ZDHHC19: variants seen among roughly 807,000 people sequenced by gnomAD.
ZDHHC19 encodes zDHHC palmitoyltransferase 19.
ZDHHC19 carries 30 observed loss-of-function variants against 33.9 expected under a neutral mutation model. The observed-to-expected ratio is 0.88, with a 90% CI of 0.66 to 1.20. The LOEUF (loss-of-function observed/expected upper bound fraction) is 1.20. ZDHHC19 is among the 50% of genes most tolerant of loss of function. The pLI is 0.00. For missense variants in ZDHHC19, 364 were observed against 401.1 expected (o/e 0.91, Z 0.79); for synonymous variants, 178 against 167.6 (o/e 1.06, Z -0.48).
Position 196,209,485 on chromosome 3 carries a change from T to C in ZDHHC19, c.299A>G (p.His100Arg), listed in dbSNP as rs373075232. The C allele has an allele frequency of 1.3e-4, 206 of 1,612,872 alleles. No individual in the cohort carries two copies. Among genetic ancestry groups the C allele is most frequent in the Non-Finnish European group, 2.5e-5 (30 of 1,179,770 alleles). ...GSAEQGPLTV[H>R]VVWVNHGAFR... is the part of the protein sequence containing the mutation. ...GGCCCCGTGGTTCACCCACACCACG[T>C]GCACCGTCAAGGGGCCCTGCTCAGC... The change falls in exon 3 of 8, where the codon CAC (histidine) becomes CGC (arginine). Residue 100 changes from histidine (H) to arginine (R), a missense_variant. By Grantham distance (29) the His-to-Arg change is conservative (BLOSUM62 0). Coordinates refer to ENST00000296326, the MANE Select transcript of ZDHHC19 (RefSeq NM_001039617.2).
rs752192064 is a variant in ZDHHC19, at chr3:196,209,371, C to T, written c.408+5G>A. The T allele has an allele frequency of 1.3e-6, 2 of 1,593,506 alleles. No individual in the cohort carries two copies. The highest frequency in any genetic ancestry group is 1.7e-6 in the Non-Finnish European group (2 of 1,170,692). ...TGGCTGGTGGACAGGTAGAGGGGCA[C>T]TCACCTCCACACAGATGTTGCACCA... On this transcript the variant is annotated splice_donor_5th_base_variant and intron_variant, in intron 3 of 7. Coordinates refer to ENST00000296326, the MANE Select transcript of ZDHHC19 (RefSeq NM_001039617.2).
At chr3:196,210,386 GGAAGGAAA>G (rs1269159923) in intron 2 of ZDHHC19, among the ~76,000 whole-genome samples, 1 of 140,690 alleles carries the variant, frequency 7.1e-6, no homozygotes, top group Non-Finnish European at 1.5e-5. Context: ...GAGAGAGGAA[GGAAGGAAA>G]GAAAGAGGGA....
rs1251150879 is a variant in ZDHHC19, at chr3:196,210,603, G to C, written c.268+13C>G. 1 of 1,613,816 alleles carries C rather than the reference G, an allele frequency of 6.2e-7. No individual in the cohort carries two copies. Among genetic ancestry groups the C allele is most frequent in the African/African-American group, 1.3e-5 (1 of 74,912 alleles). On this transcript the variant is annotated intron_variant, in intron 2 of 7. Transcript: ENST00000296326. ...GAGTGACACCTCCTTTTCCCAGGGGGCTGATGCCTCACCTTGATGTAAGAT... is the reference window on the plus strand; with the variant it reads ...GAGTGACACCTCCTTTTCCCAGGGGCCTGATGCCTCACCTTGATGTAAGAT...
At chr3:196,200,376 A>G (rs1167152251) in intron 5 of ZDHHC19, among the ~76,000 whole-genome samples, 1 of 136,366 alleles carries the variant, frequency 7.3e-6, no homozygotes, top group East Asian at 2.3e-4. Flanking sequence ...TTTTTTTGAG[A>G]TGGAGTCTTG....
At chr3:196,198,678 G>C in intron 6 of ZDHHC19, 111 bp downstream of exon 6, 2 of 1,592,804 alleles carry the variant, frequency 1.3e-6, no homozygotes, top group South Asian at 2.3e-5. Context: ...AACCCCAGAG[G>C]AGCAGGAACA....
intron 5 of ZDHHC19, among the ~76,000 whole-genome samples, chr3:196,206,389 C>A (rs1026262200): frequency 1.3e-5 from 2 of 152,026 alleles, no homozygotes; most frequent in African/African-American, 4.8e-5. Flanking sequence ...TGCTCTATTG[C>A]CCAGGCTGGA....
chr3:196,203,223 T>C lies in ZDHHC19; in HGVS notation c.687+4175A>G, dbSNP rs1324903926. Among the ~76,000 whole-genome samples, 2 of 150,964 alleles carry C rather than the reference T, an allele frequency of 1.3e-5. No homozygotes were observed. The highest frequency in any genetic ancestry group is 4.9e-5 in the African/African-American group (2 of 40,982). On this transcript the variant is annotated intron_variant, in intron 5 of 7. Transcript: ENST00000296326. The surrounding 1 kb of genome is among the most constrained non-coding windows in gnomAD (Gnocchi z 4.3). The stretch of plus-strand genomic sequence containing the variant: ...TCACACCACTGCACTCCAGCCTGAG[T>C]GACAGAGAAATACTCTGTCTCAAAA...
chr3:196,209,885 C>T (rs1723072817), intron 2 of ZDHHC19, among the ~76,000 whole-genome samples: 1 of 152,178 alleles, frequency 6.6e-6, no homozygotes, highest in African/African-American at 2.4e-5. Flanking sequence ...TTTTCCACAC[C>T]TTGGTGGCTT....
rs1245222144 is a variant in ZDHHC19 at position 196,210,270 on chromosome 3, GAAAGAA to G, written c.268+340_268+345del. The stretch of plus-strand genomic sequence containing the variant: ...GAAAGAAAAAGAAAGAAAGAAAAGA[GAAAGAA>G]AGAAAGAAAGAAGGAAGGAAGGAAA... On this transcript the variant is annotated intron_variant, in intron 2 of 7. Transcript: ENST00000296326. 9.4e-5 allele frequency among the ~76,000 whole-genome samples: 11 copies of G among 117,014 alleles called. No homozygotes were observed. The Admixed American group carries it at 9.9e-4, about 10-fold the overall frequency. The allele number at this position is 117,014 out of a possible 152,430, so 76.8% of individuals were successfully genotyped here.
intron 7 of ZDHHC19, 61 bp downstream of exon 7, chr3:196,198,215 C>A: frequency 7.2e-7 from 1 of 1,397,070 alleles, no homozygotes; most frequent in Non-Finnish European, 9.3e-7. Context: ...CACACCCTCA[C>A]AACCTGCAGA....
chr3:196,199,893 C>T (rs186246047), intron 5 of ZDHHC19, among the ~76,000 whole-genome samples: 7 of 151,884 alleles, frequency 4.6e-5, no homozygotes, highest in Middle Eastern at 3.4e-3. Context: ...TGCAGTGAGC[C>T]GAGATCATGC....
chr3:196,204,267 T>G (rs1175568278), intron 5 of ZDHHC19, among the ~76,000 whole-genome samples: 1 of 152,100 alleles, frequency 6.6e-6, no homozygotes, highest in Non-Finnish European at 1.5e-5. Context: ...AATTGAAATT[T>G]TAAAAAACAT....
At chr3:196,209,099 C>G (rs1723010797) in intron 3 of ZDHHC19, 1 of 421,458 alleles carries the variant, frequency 2.4e-6, no homozygotes, top group East Asian at 4.0e-5. Context: ...AGGGGTGGGA[C>G]AGAGGGCTGC....
intron 5 of ZDHHC19, among the ~76,000 whole-genome samples, chr3:196,201,361 G>C (rs372850340): frequency 1.3e-5 from 2 of 150,368 alleles, no homozygotes; most frequent in Non-Finnish European, 3.0e-5. Flanking sequence ...CCACCGCACC[G>C]GGCCAAAACT....
At chr3:196,205,788 T>C (rs1722683759) in intron 5 of ZDHHC19, among the ~76,000 whole-genome samples, 1 of 152,038 alleles carries the variant, frequency 6.6e-6, no homozygotes, top group Admixed American at 6.6e-5. Flanking sequence ...AGCCTCCAAA[T>C]AGCTGGGATT....
At chr3:196,202,077 G>C (rs1333380414) in intron 5 of ZDHHC19, among the ~76,000 whole-genome samples, 1 of 152,190 alleles carries the variant, frequency 6.6e-6, no homozygotes, top group Non-Finnish European at 1.5e-5. Flanking sequence ...CCAGCACTTT[G>C]GGAGGCCAAG....
chr3:196,210,268 G>GAA lies in ZDHHC19; in HGVS notation c.268+347_268+348insTT, dbSNP rs1553821777. Among the ~76,000 whole-genome samples, 319 of 119,286 alleles carry GAA rather than the reference G, an allele frequency of 2.7e-3. 2 individuals carry two copies. Among genetic ancestry groups the GAA allele is most frequent in the African/African-American group, 9.7e-3 (300 of 30,944 alleles). The allele number at this position is 119,286 out of a possible 152,430, so 78.3% of individuals were successfully genotyped here. On this transcript the variant is annotated intron_variant, in intron 2 of 7. Coordinates refer to ENST00000296326, the MANE Select transcript of ZDHHC19 (RefSeq NM_001039617.2). The stretch of plus-strand genomic sequence containing the variant: ...AAGAAAGAAAAAGAAAGAAAGAAAA[G>GAA]AGAAAGAAAGAAAGAAAGAAGGAAG...
At position 196,198,257 on chromosome 3, in the gene ZDHHC19, G is replaced by C; in HGVS notation, c.*19+19C>G. ...CCTCCCGACACGCACAGACACCCAC[G>C]CACACACACGCTTCTTACCTCCTGG... On this transcript the variant is annotated intron_variant, in intron 7 of 7. Transcript: ENST00000296326. The C allele has an allele frequency of 6.8e-7, 1 of 1,474,312 alleles. No individual in the cohort carries two copies. The highest frequency in any genetic ancestry group is 9.0e-7 in the Non-Finnish European group (1 of 1,113,112). The allele number at this position is 1,474,312 out of a possible 1,614,324, so 91.3% of individuals were successfully genotyped here. A position where few individuals can be genotyped will look rare whatever the true frequency, so the allele number is the denominator to read the frequency against.
rs952559090 is a variant in ZDHHC19 at position 196,203,251 on chromosome 3, G to GA, written c.687+4146dup. 1.1e-4 allele frequency among the ~76,000 whole-genome samples: 17 copies of GA among 148,040 alleles called. No individual in the cohort carries two copies. Among genetic ancestry groups the GA allele is most frequent in the South Asian group, 2.1e-4 (1 of 4,662 alleles). ...CAGAGAAATACTCTGTCTCAAAAAA[G>GA]AAAAAAAAAGAAAGAAAGAAGAAAG... On this transcript the variant is annotated intron_variant, in intron 5 of 7. Coordinates refer to ENST00000296326, the MANE Select transcript of ZDHHC19 (RefSeq NM_001039617.2). This position sits in a 1 kb window ranked among gnomAD's most constrained non-coding sequence, Gnocchi z 4.3.
Sources: allele counts gnomAD v4.1 joint callset (sites outside exome capture counted in the v4.1 genomes callset), GRCh38; gene constraint gnomAD v4.1.1; non-coding constraint Gnocchi (gnomAD v3.1); transcripts MANE v1.5; gene names NCBI Gene and HGNC (gene_info 2026-07-23, HGNC 2026-07-21).